SPATA13: variants seen among roughly 807,000 people sequenced by gnomAD.
SPATA13 encodes the protein spermatogenesis-associated protein 13.
Under a neutral mutation model 104.0 loss-of-function variants are expected in SPATA13, and 50 were observed. That is an observed-to-expected ratio of 0.48 (90% CI 0.38 to 0.61). The LOEUF is 0.61. Ranked by LOEUF, SPATA13 falls within the 20% of genes least tolerant of loss-of-function variation. The pLI, the probability that SPATA13 is intolerant of heterozygous loss-of-function variation, is 0.00. For missense variants in SPATA13, 1,524 were observed against 1,690.6 expected (o/e 0.90, Z 1.73); for synonymous variants, 606 against 667.5 (o/e 0.91, Z 1.42).
intron 4 of SPATA13, chr13:24,252,818 T>C (rs1292549432): frequency 6.6e-6 from 1 of 152,168 alleles, no homozygotes; most frequent in Non-Finnish European, 1.5e-5. Context: ...GGAACCAGGC[T>C]AGGGAAGGGA....
At chr13:24,122,837 C>T (rs1593344294) in intron 3 of SPATA13, 6 of 773,072 alleles carry the variant, frequency 7.8e-6, no homozygotes, top group Non-Finnish European at 1.4e-5. Flanking sequence ...AAGAGAAGAT[C>T]TCCTCATAGA....
chr13:24,306,375 A>T lies in SPATA13; in HGVS notation c.*3602A>T, dbSNP rs938318641. 1 of 152,224 alleles carries T rather than the reference A, an allele frequency of 6.6e-6. No homozygotes were observed. Among genetic ancestry groups the T allele is most frequent in the African/African-American group, 2.4e-5 (1 of 41,454 alleles). The allele number at this position is 152,224 out of a possible 1,614,324, so 9.4% of individuals were successfully genotyped here. On this transcript the variant is annotated 3_prime_UTR_variant, in exon 13 of 13. Transcript: ENST00000382108. ...CTGGAGTTAGGGGGAGTATTTCTGC[A>T]CTATTACTTGTCAGGGAGAGAAGAA...
At chr13:24,261,153 C>T (rs1874043954) in intron 4 of SPATA13, among the ~76,000 whole-genome samples, 1 of 152,180 alleles carries the variant, frequency 6.6e-6, no homozygotes, top group Non-Finnish European at 1.5e-5. Flanking sequence ...TCAGAGAGAT[C>T]ATTGGCTGGA....
At chr13:24,034,696 C>T (rs1877613535) in intron 3 of SPATA13, 1 of 152,202 alleles carries the variant, frequency 6.6e-6, no homozygotes, top group Non-Finnish European at 1.5e-5. Context: ...ACAGCTCAAT[C>T]CCATAGCTGC....
At chr13:24,295,995 GAAC>G (rs1876757594) in intron 10 of SPATA13, among the ~76,000 whole-genome samples, 1 of 152,088 alleles carries the variant, frequency 6.6e-6, no homozygotes, top group African/African-American at 2.4e-5. Context: ...ATTAAATTAA[GAAC>G]AACAAGCAGA....
At chr13:24,008,612 A>G (rs1876334634) in intron 2 of SPATA13, among the ~76,000 whole-genome samples, 2 of 152,114 alleles carry the variant, frequency 1.3e-5, no homozygotes, top group African/African-American at 4.8e-5. Context: ...AGCAATCTAG[A>G]GTGTGGACTG....
At chr13:23,988,592 G>A (rs914515829) in intron 2 of SPATA13, among the ~76,000 whole-genome samples, 1 of 152,152 alleles carries the variant, frequency 6.6e-6, no homozygotes, top group Non-Finnish European at 1.5e-5. Flanking sequence ...TTCCTTCTGT[G>A]GAGATTGTAC....
At chr13:24,083,239 G>A (rs1407324953) in intron 3 of SPATA13, among the ~76,000 whole-genome samples, 1 of 152,226 alleles carries the variant, frequency 6.6e-6, no homozygotes, top group African/African-American at 2.4e-5. Flanking sequence ...AGAATAGAAA[G>A]GCACCTTTTT....
intron 3 of SPATA13, among the ~76,000 whole-genome samples, chr13:24,139,447 C>T (rs866415026): frequency 6.6e-6 from 1 of 152,076 alleles, no homozygotes; most frequent in Non-Finnish European, 1.5e-5. Flanking sequence ...AAAACCCACA[C>T]CAATTCTCCT....
chr13:24,166,013 G>C (rs1336791720), intron 1 of SPATA13, among the ~76,000 whole-genome samples: 1 of 152,178 alleles, frequency 6.6e-6, no homozygotes, highest in African/African-American at 2.4e-5. Context: ...CACCCTTCCT[G>C]GGGGGTGGAG....
intron 1 of SPATA13, among the ~76,000 whole-genome samples, chr13:24,166,268 G>C (rs1882728891): frequency 6.6e-6 from 1 of 152,216 alleles, no homozygotes; most frequent in Non-Finnish European, 1.5e-5. Flanking sequence ...TCTAGAGGGA[G>C]AGGCCCATAT....
chr13:24,225,105 C>T lies in SPATA13; in HGVS notation c.1653+523C>T, dbSNP rs1049614863. 7.9e-5 allele frequency among the ~76,000 whole-genome samples: 12 copies of T among 152,224 alleles called. No homozygotes were observed. The East Asian group carries it at 1.7e-3, about 22-fold the overall frequency. On this transcript the variant is annotated intron_variant, in intron 2 of 12. Coordinates refer to ENST00000382108, the MANE Select transcript of SPATA13 (RefSeq NM_001166271.3). ...GCAGTGCCTCTGCTTGAGTTTTGCT[C>T]GTGCCCACTAGCCTCGTTCCACCCA...
chr13:24,068,039 T>C (rs767890739), intron 3 of SPATA13, among the ~76,000 whole-genome samples: 6 of 152,186 alleles, frequency 3.9e-5, no homozygotes, highest in Non-Finnish European at 7.3e-5. Context: ...CAGGGGTACA[T>C]GTGTATGTTC....
upstream of SPATA13, chr13:24,160,609 T>G: frequency 1.9e-6 from 1 of 537,998 alleles, no homozygotes; most frequent in Non-Finnish European, 2.3e-6. Context: ...TGGCCGAGGG[T>G]GTGGCCTGAG....
chr13:24,229,126 T>G (rs1872115720), intron 2 of SPATA13, among the ~76,000 whole-genome samples: 1 of 152,238 alleles, frequency 6.6e-6, no homozygotes, highest in Non-Finnish European at 1.5e-5. Flanking sequence ...GTCTGTTGCC[T>G]TATGGAGGTG....
In SPATA13 at chr13:24,073,243, A is replaced by T. The variant is rs527413086; in HGVS notation, c.-112+55542A>T. Among the ~76,000 whole-genome samples, 17 of 152,178 alleles carry T rather than the reference A, an allele frequency of 1.1e-4. No homozygotes were observed. In the East Asian group the frequency reaches 3.1e-3, roughly 28 times the overall value. On this transcript the variant is annotated intron_variant, in intron 3 of 14. Coordinates refer to the SPATA13 transcript ENST00000424834. ...CTCTGTACTGTTCACCTTGCAATTT[A>T]AAAAAAATTTCTAGGTTTGTGAATC...
chr13:23,996,984 A>G (rs1441433900), intron 2 of SPATA13, among the ~76,000 whole-genome samples: 1 of 152,194 alleles, frequency 6.6e-6, no homozygotes, highest in Non-Finnish European at 1.5e-5. Flanking sequence ...AATGTGGCTG[A>G]GAGAGCCCAT....
In SPATA13 at chr13:24,011,884, C is replaced by T. The variant is rs1593274934; in HGVS notation, c.-146-5783C>T. Among the ~76,000 whole-genome samples, 1 of 147,996 alleles carries T rather than the reference C, an allele frequency of 6.8e-6. No homozygotes were observed. The highest frequency in any genetic ancestry group is 1.5e-5 in the Non-Finnish European group (1 of 65,538). ...GGACCATGAGGGATGATCCCACAGA[C>T]CCAGAATGCTCAGCCTTCTTCTTTA... On this transcript the variant is annotated intron_variant, in intron 2 of 14. Transcript: ENST00000424834. This position sits in a 1 kb window ranked among gnomAD's most constrained non-coding sequence, Gnocchi z 4.3.
rs1877077766 is a variant in SPATA13 at position 24,300,084 on chromosome 13, A to T, written c.3584-317A>T. Among the ~76,000 whole-genome samples the T allele has an allele frequency of 2.6e-5, 4 of 152,152 alleles. No homozygotes were observed. The South Asian group carries it at 8.3e-4, about 31-fold the overall frequency. On this transcript the variant is annotated intron_variant, in intron 11 of 12. Coordinates refer to ENST00000382108, the MANE Select transcript of SPATA13 (RefSeq NM_001166271.3). The stretch of plus-strand genomic sequence containing the variant: ...CTTCTGGGGCCTCATCCTTTAGGTT[A>T]TAATTGGGATGACCCTGTGGGAATA...
Sources: allele counts gnomAD v4.1 joint callset (sites outside exome capture counted in the v4.1 genomes callset), GRCh38; gene constraint gnomAD v4.1.1; non-coding constraint Gnocchi (gnomAD v3.1); transcripts MANE v1.5; gene names NCBI Gene and HGNC (gene_info 2026-07-23, HGNC 2026-07-21).